Variants in NHLRC2 observed in about 807,000 individuals in gnomAD.
The protein encoded by NHLRC2 is NHL repeat-containing protein 2.
Under a neutral mutation model 68.1 loss-of-function variants are expected in NHLRC2, and 33 were observed. The observed-to-expected ratio is 0.48, with a 90% confidence interval of 0.37 to 0.65. The LOEUF (loss-of-function observed/expected upper bound fraction) is 0.65, where lower values mean the gene tolerates loss of function less well. Ranked by LOEUF, NHLRC2 falls within the 30% of genes least tolerant of loss-of-function variation. The pLI, the probability that NHLRC2 is intolerant of heterozygous loss-of-function variation, is 0.00. For missense variants in NHLRC2, 761 were observed against 853.8 expected (o/e 0.89, Z 1.35); for synonymous variants, 311 against 309.6 (o/e 1.00, Z -0.05).
intron 2 of NHLRC2, among the ~76,000 whole-genome samples, chr10:113,864,709 AC>A (rs1220059174): frequency 1.4e-5 from 2 of 140,880 alleles, no homozygotes; most frequent in East Asian, 2.1e-4. Context: ...AAAAAAAAAA[AC>A]CACACACACA....
At position 113,858,710 on chromosome 10, in the gene NHLRC2, A is replaced by G. The variant is rs74339331; in HGVS notation, c.331+30A>G. On this transcript the variant is annotated intron_variant, in intron 2 of 10. Coordinates refer to ENST00000369301, the MANE Select transcript of NHLRC2 (RefSeq NM_198514.4). ...CTGCTCTTTAATTAGTTTCTAACAG[A>G]CTGTCCTGGCATAGTCACTGGAAGA... is the stretch of plus-strand genomic sequence containing the variant. The G allele has an allele frequency of 4.2e-4, 651 of 1,564,542 alleles. 4 individuals are homozygous for G. In the African/African-American group the frequency reaches 7.2e-3, roughly 17 times the overall value.
chr10:113,877,667 A>T (rs1004818714), intron 3 of NHLRC2, among the ~76,000 whole-genome samples: 2 of 152,158 alleles, frequency 1.3e-5, no homozygotes, highest in African/African-American at 4.8e-5. Flanking sequence ...CTGAGCTGAC[A>T]TTTGACAGCA....
chr10:113,876,858 G>T lies in NHLRC2; in HGVS notation c.669G>T (p.Leu223Phe), dbSNP rs759954573. Reference protein sequence around the residue: ...LYKDSLPPSPLLFPGKVTVDQ... With the variant: ...LYKDSLPPSPFLFPGKVTVDQ... The stretch of plus-strand genomic sequence containing the variant: ...AAGATTCTTTGCCACCTTCACCATT[G>T]CTATTTCCTGGCAAAGTAACAGTAG... Residue 223 changes from leucine (L) to phenylalanine (F), a missense_variant, in exon 3 of 11, where the codon TTG (leucine) becomes TTT (phenylalanine). By Grantham distance (22) the Leu-to-Phe change is conservative. Transcript: ENST00000369301. 1.2e-6 allele frequency: 2 copies of T among 1,612,074 alleles called. No individual in the cohort carries two copies. The highest frequency in any genetic ancestry group is 2.7e-5 in the African/African-American group (2 of 74,866).
At chr10:113,874,574 C>T (rs1297371992) in intron 2 of NHLRC2, among the ~76,000 whole-genome samples, 1 of 150,716 alleles carries the variant, frequency 6.6e-6, no homozygotes, top group Non-Finnish European at 1.5e-5. Context: ...GTGTGTTGAG[C>T]TTGAATTCTC....
Position 113,876,992 on chromosome 10 carries a change from G to A in NHLRC2, c.787+16G>A, listed in dbSNP as rs1845989628. ...AGCATTGGAGGTAAAACTTGCTTCT[G>A]ATTACGATAGATAACGTGTTTTACA... On this transcript the variant is annotated intron_variant, in intron 3 of 10. Coordinates refer to ENST00000369301, the MANE Select transcript of NHLRC2 (RefSeq NM_198514.4). 1 of 1,403,752 alleles carries A rather than the reference G, an allele frequency of 7.1e-7. No individual in the cohort carries two copies. Among genetic ancestry groups the A allele is most frequent in the African/African-American group, 1.4e-5 (1 of 69,554 alleles). The allele number at this position is 1,403,752 out of a possible 1,614,324, so 87.0% of individuals were successfully genotyped here.
intron 2 of NHLRC2, among the ~76,000 whole-genome samples, chr10:113,861,666 G>A (rs1320458153): frequency 6.6e-6 from 1 of 152,128 alleles, no homozygotes; most frequent in Non-Finnish European, 1.5e-5. Flanking sequence ...AGTCCTTCAG[G>A]TTGAAATGAA....
Position 113,858,738 on chromosome 10 carries a change from G to C in NHLRC2, c.331+58G>C, listed in dbSNP as rs1845787145. On this transcript the variant is annotated intron_variant, in intron 2 of 10. Transcript: ENST00000369301. ...GTCCTGGCATAGTCACTGGAAGAGT[G>C]GCTGACTCATTAGCTCATAGGAGAA... 1.0e-5 allele frequency: 13 copies of C among 1,275,710 alleles called. 1 individual carries two copies. In the South Asian group the frequency reaches 1.4e-4, roughly 14 times the overall value. The allele number at this position is 1,275,710 out of a possible 1,614,324, so 79.0% of individuals were successfully genotyped here. A position where few individuals can be genotyped will look rare whatever the true frequency, so the allele number is the denominator to read the frequency against.
Position 113,874,442 on chromosome 10 carries a change from TTGTGTGTGTGTGTGTGTG to T in NHLRC2, c.332-2043_332-2026del, listed in dbSNP as rs58207579. On this transcript the variant is annotated intron_variant, in intron 2 of 10. Coordinates refer to ENST00000369301, the MANE Select transcript of NHLRC2 (RefSeq NM_198514.4). ...TCCCAGCTGCTTTCAAGGCATGTGT[TTGTGTGTGTGTGTGTGTG>T]TGTGTGTGTGTGTGTGTGTGTGTGT... is the stretch of plus-strand genomic sequence containing the variant. Among the ~76,000 whole-genome samples, 115 of 125,742 alleles carry T rather than the reference TTGTGTGTGTGTGTGTGTG, an allele frequency of 9.1e-4. 1 individual carries two copies. The highest frequency in any genetic ancestry group is 6.3e-3 in the East Asian group (27 of 4,256). 82.5% of individuals were successfully genotyped at this position (125,742 alleles called of 152,430 possible).
At chr10:113,895,503 GC>G (rs1477336361) in intron 5 of NHLRC2, among the ~76,000 whole-genome samples, 1 of 152,196 alleles carries the variant, frequency 6.6e-6, no homozygotes. Context: ...TAGGGAAGAA[GC>G]TTGAGCAGAG....
At chr10:113,905,175 A>G (rs917663853) in intron 10 of NHLRC2, 139 bp downstream of exon 10, 3 of 449,576 alleles carry the variant, frequency 6.7e-6, no homozygotes, top group Admixed American at 3.9e-5. Context: ...TCCAGATCCA[A>G]CCCCACATTG....
rs1174574867 is a variant in NHLRC2 at position 113,902,342 on chromosome 10, A to G, written c.1372-129A>G. On this transcript the variant is annotated intron_variant, in intron 7 of 10. Coordinates refer to ENST00000369301, the MANE Select transcript of NHLRC2 (RefSeq NM_198514.4). ...GAATGAAGTATCCAACCCTATTTAT[A>G]TGAAAATCAGCATTTTCCCTTTTAA... is the stretch of plus-strand genomic sequence containing the variant. 9.5e-5 allele frequency: 61 copies of G among 639,124 alleles called. 1 individual carries two copies. The South Asian group carries it at 1.3e-3, about 14-fold the overall frequency. The allele number at this position is 639,124 out of a possible 1,614,324, so 39.6% of individuals were successfully genotyped here. A position where few individuals can be genotyped will look rare whatever the true frequency, so the allele number is the denominator to read the frequency against.
Position 113,865,560 on chromosome 10 carries a change from CTTTCT to C in NHLRC2, c.331+6889_331+6893del, listed in dbSNP as rs1391574471. On this transcript the variant is annotated intron_variant, in intron 2 of 10. Coordinates refer to ENST00000369301, the MANE Select transcript of NHLRC2 (RefSeq NM_198514.4). Reference sequence around the variant, plus strand: ...CCATTGTGATAAGTGTTCACAGAGGCTTTCTTTTCTTTTTTTTTTTTTTAATATAA... The same window carrying C: ...CCATTGTGATAAGTGTTCACAGAGGCTTTCTTTTTTTTTTTTTTAATATAA... 3.3e-5 allele frequency among the ~76,000 whole-genome samples: 4 copies of C among 121,044 alleles called. No homozygotes were observed. In the East Asian group the frequency reaches 7.6e-4, roughly 23 times the overall value. The allele number at this position is 121,044 out of a possible 152,430, so 79.4% of individuals were successfully genotyped here.
At position 113,905,006 on chromosome 10, in the gene NHLRC2, G is replaced by C. The variant is rs746068896; in HGVS notation, c.1894G>C (p.Val632Leu). ...LPSGSKLTEG[V>L]SSCWFLTAEG... is the part of the protein sequence containing the mutation. The stretch of plus-strand genomic sequence containing the variant: ...ATCAGGATCAAAGCTAACTGAAGGA[G>C]TATCCAGTTGCTGGTTTCTAACAGC... Residue 632 changes from valine to leucine, a missense_variant, in exon 10 of 11, where the codon GTA (valine) becomes CTA (leucine). By Grantham distance (32) the Val-to-Leu change is conservative. Transcript: ENST00000369301. 9 of 1,532,436 alleles carry C rather than the reference G, an allele frequency of 5.9e-6. No individual in the cohort carries two copies. Among genetic ancestry groups the C allele is most frequent in the South Asian group, 2.6e-5 (2 of 77,380 alleles). The allele number at this position is 1,532,436 out of a possible 1,614,324, so 94.9% of individuals were successfully genotyped here.
At position 113,871,749 on chromosome 10, in the gene NHLRC2, A is replaced by G. The variant is rs137973212; in HGVS notation, c.332-4772A>G. Among the ~76,000 whole-genome samples, 344 of 152,274 alleles carry G rather than the reference A, an allele frequency of 2.3e-3. 1 individual carries two copies. The highest frequency in any genetic ancestry group is 4.1e-3 in the Non-Finnish European group (279 of 68,016). ...TTTGGAGGAGGATGGTGGCTACCTG[A>G]TCTTGAATCTCCCCACTGTCCCTCC... On this transcript the variant is annotated intron_variant, in intron 2 of 10. Coordinates refer to ENST00000369301, the MANE Select transcript of NHLRC2 (RefSeq NM_198514.4).
In NHLRC2 at chr10:113,898,155, G is replaced by A; in HGVS notation, c.1085G>A (p.Gly362Glu). Residue 362 changes from glycine to glutamate, a missense_variant, in exon 6 of 11, where the codon GGG (glycine) becomes GAG (glutamate). Coordinates refer to ENST00000369301, the MANE Select transcript of NHLRC2 (RefSeq NM_198514.4). ...GACATTTTATGGATAGCCATGGCAG[G>A]GACTCATCAGATATGGGCACTCCTG... Reference protein sequence around the residue: ...RGDILWIAMAGTHQIWALLLD... With the variant: ...RGDILWIAMAETHQIWALLLD... 1 of 1,613,110 alleles carries A rather than the reference G, an allele frequency of 6.2e-7. No individual in the cohort carries two copies. Among genetic ancestry groups the A allele is most frequent in the Admixed American group, 1.7e-5 (1 of 60,002 alleles).
chr10:113,856,631 G>A (rs2134682837), intron 1 of NHLRC2, among the ~76,000 whole-genome samples: 1 of 152,244 alleles, frequency 6.6e-6, no homozygotes, highest in East Asian at 1.9e-4. Context: ...TTCTAGTCTT[G>A]TTTGTATTTA....
Position 113,854,915 on chromosome 10 carries a change from C to G in NHLRC2, c.43C>G (p.Leu15Val), listed in dbSNP as rs11196533. 428 of 1,553,164 alleles carry G rather than the reference C, an allele frequency of 2.8e-4. 1 individual carries two copies. The African/African-American group carries it at 5.4e-3, about 20-fold the overall frequency. ...GGRGRSLSGLLPAQTSLEYAL... is the reference protein window; with the variant it reads ...GGRGRSLSGLVPAQTSLEYAL... The stretch of plus-strand genomic sequence containing the variant: ...CCGGGGCCGCAGCCTCTCCGGCCTG[C>G]TCCCCGCGCAGACCTCGCTAGAGTA... The change falls in exon 1 of 11, where the codon CTC (leucine) becomes GTC (valine). Residue 15 changes from leucine (L) to valine (V), a missense_variant. Coordinates refer to ENST00000369301, the MANE Select transcript of NHLRC2 (RefSeq NM_198514.4).
rs1038245033 is a variant in NHLRC2 at position 113,911,554 on chromosome 10, A to G, written c.*3018A>G. On this transcript the variant is annotated 3_prime_UTR_variant, in exon 11 of 11. Transcript: ENST00000369301. ...ATTAAGAATTATTCATGATTCTTTT[A>G]TGGCCAATATACTTTTGAGCTTGTA... is the stretch of plus-strand genomic sequence containing the variant. The G allele has an allele frequency of 6.6e-6, 1 of 152,110 alleles. No individual in the cohort carries two copies. Among genetic ancestry groups the G allele is most frequent in the Middle Eastern group, 3.2e-3 (1 of 314 alleles). The allele number at this position is 152,110 out of a possible 1,614,324, so 9.4% of individuals were successfully genotyped here.
intron 4 of NHLRC2, among the ~76,000 whole-genome samples, chr10:113,880,199 C>T (rs1846023875): frequency 6.6e-6 from 1 of 152,116 alleles, no homozygotes; most frequent in South Asian, 2.1e-4. Flanking sequence ...CCATCAATTC[C>T]AGTTTCCCAG....
Sources: gnomAD v4.1 joint callset for allele counts (sites outside exome capture counted in the v4.1 genomes callset) on GRCh38, gnomAD v4.1.1 for gene constraint, MANE v1.5 for transcripts, NCBI Gene and HGNC (gene_info 2026-07-23, HGNC 2026-07-21) for gene names.